The following MAPRE2 variants were observed in gnomAD, a reference collection of about 807,000 sequenced individuals.
MAPRE2 encodes microtubule associated protein RP/EB family member 2.
In MAPRE2, 13 loss-of-function variants were observed where a neutral mutation model predicts 43.2. That is an observed-to-expected ratio of 0.30 (90% CI 0.20 to 0.48). The LOEUF (loss-of-function observed/expected upper bound fraction) is 0.48. Among genes scored for constraint, MAPRE2 ranks in the 20% least tolerant of loss-of-function variants. The pLI, the probability that MAPRE2 is intolerant of heterozygous loss-of-function variation, is 0.99. For missense variants in MAPRE2, 161 were observed against 400.2 expected (o/e 0.40, Z 5.10); for synonymous variants, 135 against 148.8 (o/e 0.91, Z 0.68).
chr18:35,098,666 A>G (rs1417619412), intron 3 of MAPRE2, among the ~76,000 whole-genome samples: 1 of 152,238 alleles, frequency 6.6e-6, no homozygotes, highest in Admixed American at 6.5e-5. Flanking sequence ...AACTAGGGAT[A>G]TATAGGTTCT....
intron 1 of MAPRE2, among the ~76,000 whole-genome samples, chr18:35,057,499 A>AGTGTGTGTGT (rs550390570): frequency 9.2e-4 from 76 of 82,168 alleles, no homozygotes; most frequent in Non-Finnish European, 6.0e-4. Context: ...TACTGCAAGG[A>AGTGTGTGTGT]GTGTGTGCGT....
Position 35,140,523 on chromosome 18 carries a change from G to C in MAPRE2, c.*154G>C, listed in dbSNP as rs1603405232. 1.6e-5 allele frequency: 12 copies of C among 746,082 alleles called. No individual in the cohort carries two copies. Among genetic ancestry groups the C allele is most frequent in the Non-Finnish European group, 2.6e-5 (12 of 464,852 alleles). The allele number at this position is 746,082 out of a possible 1,614,324, so 46.2% of individuals were successfully genotyped here. A position where few individuals can be genotyped will look rare whatever the true frequency, so the allele number is the denominator to read the frequency against. On this transcript the variant is annotated 3_prime_UTR_variant, in exon 7 of 7. Transcript: ENST00000300249. ...TTGCATATGCCAGCCACTGCGCTTG[G>C]TTCCCATTTTCTTTGCCAAGGTGTA... is the stretch of plus-strand genomic sequence containing the variant.
intron 1 of MAPRE2, among the ~76,000 whole-genome samples, chr18:35,043,187 C>A (rs1337966571): frequency 6.6e-6 from 1 of 152,206 alleles, no homozygotes; most frequent in Non-Finnish European, 1.5e-5. Flanking sequence ...CTTACTCCTC[C>A]ACCTTTTTCC....
chr18:35,007,624 G>A (rs187690523), intron 2 of MAPRE2, among the ~76,000 whole-genome samples: 11 of 152,296 alleles, frequency 7.2e-5, no homozygotes, highest in South Asian at 2.1e-4. Context: ...CATCATTTGC[G>A]CATCCATGAT....
chr18:34,984,979 A>C (rs1429237524), intron 1 of MAPRE2, among the ~76,000 whole-genome samples: 2 of 30,544 alleles, frequency 6.5e-5, no homozygotes, highest in African/African-American at 2.1e-4. Flanking sequence ...TAATATATAA[A>C]ATATATTATA....
At chr18:35,011,715 T>A (rs1603389843) in intron 2 of MAPRE2, among the ~76,000 whole-genome samples, 1 of 152,008 alleles carries the variant, frequency 6.6e-6, no homozygotes, top group East Asian at 1.9e-4. Flanking sequence ...ATGGGTGGAT[T>A]TGAGTACTAT....
intron 1 of MAPRE2, among the ~76,000 whole-genome samples, chr18:35,048,220 T>C (rs1905737094): frequency 6.6e-6 from 1 of 152,002 alleles, no homozygotes; most frequent in Non-Finnish European, 1.5e-5. Context: ...CACACACTTT[T>C]AGGCAACCAG....
intron 4 of MAPRE2, among the ~76,000 whole-genome samples, chr18:35,105,150 C>A (rs1908847166): frequency 6.6e-6 from 1 of 152,016 alleles, no homozygotes; most frequent in African/African-American, 2.4e-5. Flanking sequence ...GATAGAATGT[C>A]CATGAACCTG....
At chr18:35,065,579 G>A (rs1023085169) in intron 1 of MAPRE2, among the ~76,000 whole-genome samples, 12 of 150,580 alleles carry the variant, frequency 8.0e-5, no homozygotes, top group Admixed American at 6.0e-4. Context: ...TTTTTGAGAC[G>A]GAGTTTCACT....
At chr18:35,092,856 T>C (rs910073742) in intron 2 of MAPRE2, among the ~76,000 whole-genome samples, 2 of 152,082 alleles carry the variant, frequency 1.3e-5, no homozygotes, top group African/African-American at 4.8e-5. Context: ...ACGTCACTAA[T>C]CATCAAGGAA....
chr18:35,089,942 A>G (rs1908064020), intron 2 of MAPRE2, among the ~76,000 whole-genome samples: 1 of 152,240 alleles, frequency 6.6e-6, no homozygotes, highest in Admixed American at 6.5e-5. Flanking sequence ...ATGGAATATT[A>G]TTTGCTGTAA....
At chr18:34,989,997 C>T (rs375918774) in intron 1 of MAPRE2, among the ~76,000 whole-genome samples, 45 of 152,200 alleles carry the variant, frequency 3.0e-4, no homozygotes, top group Non-Finnish European at 4.0e-4. Flanking sequence ...CATGGCAATC[C>T]ATTGAAGATT....
intron 2 of MAPRE2, among the ~76,000 whole-genome samples, chr18:35,031,560 A>G (rs1188113765): frequency 3.3e-5 from 5 of 152,216 alleles, no homozygotes. Context: ...GTATTTTTAA[A>G]TTGCATTCAC....
intron 4 of MAPRE2, among the ~76,000 whole-genome samples, chr18:35,125,989 A>G (rs1375043358): frequency 6.6e-6 from 1 of 152,196 alleles, no homozygotes; most frequent in East Asian, 1.9e-4. Flanking sequence ...TACGTGTCCA[A>G]TGACGAGCCC....
At chr18:35,096,589 G>GACTC (rs149083749) in intron 2 of MAPRE2, among the ~76,000 whole-genome samples, 27,133 of 151,880 alleles carry the variant, frequency 0.18, 3,449 homozygotes, top group African/African-American at 0.36. Flanking sequence ...TAAAGAACAT[G>GACTC]ACTCTGAACT....
chr18:35,051,717 A>G (rs1905948461), intron 1 of MAPRE2, among the ~76,000 whole-genome samples: 1 of 152,160 alleles, frequency 6.6e-6, no homozygotes, highest in African/African-American at 2.4e-5. Context: ...TTTCTGTCCC[A>G]GCTCCATCCC....
intron 4 of MAPRE2, among the ~76,000 whole-genome samples, chr18:35,115,030 G>C (rs757324829): frequency 2.6e-5 from 4 of 151,730 alleles, no homozygotes; most frequent in Non-Finnish European, 2.9e-5. Flanking sequence ...TTTTTTTGTT[G>C]CTTAGTATAT....
At chr18:34,993,407 C>A (rs1221743079) in intron 1 of MAPRE2, among the ~76,000 whole-genome samples, 2 of 151,914 alleles carry the variant, frequency 1.3e-5, no homozygotes, top group Non-Finnish European at 2.9e-5. Flanking sequence ...CTGGCCCAGG[C>A]ACTGATACAG....
chr18:35,063,465 T>G (rs1603396438), intron 1 of MAPRE2, among the ~76,000 whole-genome samples: 4 of 140,460 alleles, frequency 2.8e-5, no homozygotes, highest in African/African-American at 2.8e-5. Flanking sequence ...CTTTAAGGAG[T>G]GACATAAAGA....
Sources: allele counts gnomAD v4.1 joint callset (sites outside exome capture counted in the v4.1 genomes callset), GRCh38; gene constraint gnomAD v4.1.1; transcripts MANE v1.5; gene names NCBI Gene and HGNC (gene_info 2026-07-23, HGNC 2026-07-21).